The following NRXN1 variants were observed in gnomAD, a reference collection of about 807,000 sequenced individuals.
NRXN1 encodes the protein neurexin-1.
Under a neutral mutation model 150.9 loss-of-function variants are expected in NRXN1, and 39 were observed. The observed-to-expected ratio is 0.26, with a 90% CI of 0.20 to 0.34. The LOEUF (loss-of-function observed/expected upper bound fraction) is 0.34. NRXN1 is among the 10% of genes least tolerant of loss of function. The pLI is 1.00. For synonymous variants in NRXN1, 924 were observed against 757.0 expected (o/e 1.22, Z -3.62); for missense variants, 1,815 against 1,949.9 (o/e 0.93, Z 1.30).
chr2:50,390,005 A>G (rs1427619157), intron 17 of NRXN1, among the ~76,000 whole-genome samples: 1 of 152,208 alleles, frequency 6.6e-6, no homozygotes, highest in East Asian at 1.9e-4. Context: ...CAAGTTAGGC[A>G]ATGAAATGCC....
At chr2:50,434,029 C>T (rs2085202755) in intron 17 of NRXN1, among the ~76,000 whole-genome samples, 1 of 147,632 alleles carries the variant, frequency 6.8e-6, no homozygotes, top group African/African-American at 2.5e-5. Flanking sequence ...CTCCTTGCTT[C>T]CGGTATCTAA....
intron 5 of NRXN1, among the ~76,000 whole-genome samples, chr2:50,712,080 T>C (rs1216220126): frequency 6.6e-6 from 1 of 152,164 alleles, no homozygotes; most frequent in African/African-American, 2.4e-5. Flanking sequence ...AATTGTATTC[T>C]TCTTAATACT....
intron 5 of NRXN1, among the ~76,000 whole-genome samples, chr2:50,891,339 A>G (rs1681033405): frequency 6.6e-6 from 1 of 152,094 alleles, no homozygotes; most frequent in Non-Finnish European, 1.5e-5. Flanking sequence ...AATGCTTCAT[A>G]GTTACCAGAC....
chr2:50,977,889 AT>A (rs1324302272), intron 2 of NRXN1, among the ~76,000 whole-genome samples: 1 of 151,854 alleles, frequency 6.6e-6, no homozygotes, highest in Admixed American at 6.6e-5. Flanking sequence ...ATCTATTATC[AT>A]TTTTAAAGTG....
intron 5 of NRXN1, among the ~76,000 whole-genome samples, chr2:50,786,414 T>G (rs1223634947): frequency 6.6e-6 from 1 of 152,136 alleles, no homozygotes; most frequent in Non-Finnish European, 1.5e-5. Context: ...AAGAAAAGAA[T>G]GAAGGAAACC....
At chr2:50,231,446 C>T (rs1180651137) in intron 18 of NRXN1, among the ~76,000 whole-genome samples, 1 of 152,016 alleles carries the variant, frequency 6.6e-6, no homozygotes, top group African/African-American at 2.4e-5. Flanking sequence ...ACTATAAATA[C>T]ACTGTTTCTA....
At chr2:49,981,224 T>C (rs1247847842) in intron 21 of NRXN1, among the ~76,000 whole-genome samples, 1 of 152,066 alleles carries the variant, frequency 6.6e-6, no homozygotes, top group Non-Finnish European at 1.5e-5. Flanking sequence ...ACCCAAAGGA[T>C]AAGGTTAATA....
At chr2:50,002,376 A>G (rs1684094629) in intron 21 of NRXN1, among the ~76,000 whole-genome samples, 1 of 152,140 alleles carries the variant, frequency 6.6e-6, no homozygotes, top group African/African-American at 2.4e-5. Flanking sequence ...GTCATTGCTG[A>G]GTCTATCATT....
chr2:50,222,363 A>G (rs2063963129), intron 18 of NRXN1, among the ~76,000 whole-genome samples: 1 of 151,984 alleles, frequency 6.6e-6, no homozygotes, highest in Admixed American at 6.6e-5. Context: ...AAAGAAAATC[A>G]TTCTATGGAG....
chr2:50,098,830 GTTTTTTTTTTTTTTTTTT>G (rs746736925), intron 18 of NRXN1, among the ~76,000 whole-genome samples: 6 of 105,542 alleles, frequency 5.7e-5, no homozygotes, highest in African/African-American at 7.0e-5. Flanking sequence ...TTTGGTTTTA[GTTTTTTTTTTTTTTTTTT>G]TTTTTTTTTT....
At chr2:50,880,115 T>G (rs954701057) in intron 5 of NRXN1, among the ~76,000 whole-genome samples, 1 of 152,110 alleles carries the variant, frequency 6.6e-6, no homozygotes, top group South Asian at 2.1e-4. Flanking sequence ...CAGAAACATT[T>G]GCTTTGAAGA....
rs1262263583 is a variant in NRXN1 at position 49,919,044 on chromosome 2, C to A, written c.*2900G>T. 1 of 152,046 alleles carries A rather than the reference C, an allele frequency of 6.6e-6. No individual in the cohort carries two copies. The highest frequency in any genetic ancestry group is 1.5e-5 in the Non-Finnish European group (1 of 67,960). 9.4% of individuals were successfully genotyped at this position (152,046 alleles called of 1,614,324 possible). On this transcript the variant is annotated 3_prime_UTR_variant, in exon 23 of 23. Coordinates refer to ENST00000401669, the MANE Select transcript of NRXN1 (RefSeq NM_001330078.2). The stretch of plus-strand genomic sequence containing the variant: ...GGGTTATGTGGCCTTTCTTTGATGT[C>A]TTAGGGATTGACCACTTCACACGTT...
rs1223348203 is a variant in NRXN1, at chr2:50,846,729, G to T, written c.832+75140C>A. ...TGCAATTCAAGATAAAAATATGAGT[G>T]ATTTATGATTCCCTCTCTAGGAGAG... On this transcript the variant is annotated intron_variant, in intron 5 of 22. Coordinates refer to ENST00000401669, the MANE Select transcript of NRXN1 (RefSeq NM_001330078.2). 2.0e-5 allele frequency among the ~76,000 whole-genome samples: 3 copies of T among 152,206 alleles called. No homozygotes were observed. The East Asian group carries it at 5.8e-4, about 29-fold the overall frequency.
At chr2:50,387,039 A>G (rs1308037043) in intron 17 of NRXN1, among the ~76,000 whole-genome samples, 1 of 152,166 alleles carries the variant, frequency 6.6e-6, no homozygotes, top group Non-Finnish European at 1.5e-5. Context: ...TTCATTGCAA[A>G]AAGAAAAATT....
chr2:50,294,033 T>C (rs557411905), intron 17 of NRXN1, among the ~76,000 whole-genome samples: 2 of 152,328 alleles, frequency 1.3e-5, no homozygotes, highest in Admixed American at 1.3e-4. Flanking sequence ...TAAAACTGCT[T>C]TGAGTAACAT....
chr2:50,285,868 C>CA (rs58298457), intron 17 of NRXN1, among the ~76,000 whole-genome samples: 14,026 of 144,538 alleles, frequency 0.097, 750 homozygotes, highest in Middle Eastern at 0.14. Context: ...TTTTGAAAAA[C>CA]AAAAAAAAAA....
chr2:50,865,658 G>GTTTTTTTTTTTTTTTTTTTTTTTT lies in NRXN1; in HGVS notation c.832+56187_832+56210dup, dbSNP rs71404978. On this transcript the variant is annotated intron_variant, in intron 5 of 22. Coordinates refer to ENST00000401669, the MANE Select transcript of NRXN1 (RefSeq NM_001330078.2). ...AGTAATTCCCAGTAAGCATTTGAAAGTTTTTTTTTTTTTTTTTTTTTTTTT... is the reference window on the plus strand; with the variant it reads ...AGTAATTCCCAGTAAGCATTTGAAAGTTTTTTTTTTTTTTTTTTTTTTTTTTTTTTTTTTTTTTTTTTTTTTTTT... Among the ~76,000 whole-genome samples the GTTTTTTTTTTTTTTTTTTTTTTTT allele has an allele frequency of 1.2e-4, 5 of 41,860 alleles. 1 individual carries two copies. Among genetic ancestry groups the GTTTTTTTTTTTTTTTTTTTTTTTT allele is most frequent in the Non-Finnish European group, 1.6e-4 (4 of 25,612 alleles). 27.5% of individuals were successfully genotyped at this position (41,860 alleles called of 152,430 possible).
intron 21 of NRXN1, among the ~76,000 whole-genome samples, chr2:49,968,388 C>A (rs936981716): frequency 4.6e-5 from 7 of 151,976 alleles, no homozygotes; most frequent in African/African-American, 1.7e-4. Context: ...AAGTTGCATC[C>A]ATTTTGCATT....
At chr2:50,426,039 CTACT>C (rs1172211618) in intron 17 of NRXN1, among the ~76,000 whole-genome samples, 2 of 152,198 alleles carry the variant, frequency 1.3e-5, no homozygotes, top group African/African-American at 2.4e-5. Flanking sequence ...CAAAAGGTAA[CTACT>C]TGTACCTACA....
Sources: allele counts gnomAD v4.1 joint callset (sites outside exome capture counted in the v4.1 genomes callset), GRCh38; gene constraint gnomAD v4.1.1; transcripts MANE v1.5; gene names NCBI Gene and HGNC (gene_info 2026-07-23, HGNC 2026-07-21).